FAM171A1: variants seen among roughly 807,000 people sequenced by gnomAD.
FAM171A1 encodes protein FAM171A1.
In FAM171A1, 23 loss-of-function variants were observed where a neutral mutation model predicts 74.9. The observed-to-expected ratio is 0.31, with a 90% CI of 0.22 to 0.44. FAM171A1 has a LOEUF of 0.44. FAM171A1 is among the 20% of genes least tolerant of loss of function. The pLI, the probability that FAM171A1 is intolerant of heterozygous loss-of-function variation, is 1.00. For missense variants in FAM171A1, 1,162 were observed against 1,159.2 expected (o/e 1.00, Z -0.03); for synonymous variants, 527 against 505.7 (o/e 1.04, Z -0.57).
intron 1 of FAM171A1, among the ~76,000 whole-genome samples, chr10:15,317,372 G>A (rs1835434919): frequency 6.6e-6 from 1 of 152,140 alleles, no homozygotes; most frequent in Admixed American, 6.5e-5. Context: ...AAGTCTGGTT[G>A]CGCTCATATT....
In FAM171A1 at chr10:15,268,628, G is replaced by A. The variant is rs535245545; in HGVS notation, c.418+7227C>T. On this transcript the variant is annotated intron_variant, in intron 3 of 7. Transcript: ENST00000378116. ...TGGGGAGGGTCTGGGCTGGAGAGACGGAATCAGGAGTAATTAGAGCATTGG... is the reference window on the plus strand; with the variant it reads ...TGGGGAGGGTCTGGGCTGGAGAGACAGAATCAGGAGTAATTAGAGCATTGG... Among the ~76,000 whole-genome samples, 15 of 152,114 alleles carry A rather than the reference G, an allele frequency of 9.9e-5. No homozygotes were observed. In the South Asian group the frequency reaches 1.2e-3, roughly 13 times the overall value.
At chr10:15,316,706 G>T (rs1458414818) in intron 1 of FAM171A1, among the ~76,000 whole-genome samples, 2 of 152,122 alleles carry the variant, frequency 1.3e-5, no homozygotes, top group African/African-American at 2.4e-5. Context: ...AAATCCAAAC[G>T]TTGGATAATT....
At chr10:15,346,132 G>T (rs1835815155) in intron 1 of FAM171A1, among the ~76,000 whole-genome samples, 1 of 152,182 alleles carries the variant, frequency 6.6e-6, no homozygotes, top group Non-Finnish European at 1.5e-5. Context: ...AGACAGGGTT[G>T]TCTTGTCACC....
intron 1 of FAM171A1, among the ~76,000 whole-genome samples, chr10:15,340,861 C>T (rs1835756983): frequency 3.3e-5 from 5 of 152,076 alleles, no homozygotes; most frequent in Admixed American, 3.3e-4. Flanking sequence ...AAGAATGTCA[C>T]TCAGGAGTTT....
At chr10:15,268,849 C>T (rs1466239465) in intron 3 of FAM171A1, among the ~76,000 whole-genome samples, 1 of 152,180 alleles carries the variant, frequency 6.6e-6, no homozygotes, top group Non-Finnish European at 1.5e-5. Context: ...TGAGACAAGC[C>T]TGGCCAACAT....
intron 1 of FAM171A1, among the ~76,000 whole-genome samples, chr10:15,303,893 A>C (rs1206611198): frequency 6.6e-6 from 1 of 152,206 alleles, no homozygotes; most frequent in Non-Finnish European, 1.5e-5. Flanking sequence ...CGTATGAAAG[A>C]GATTAAGTCA....
chr10:15,213,116 A>C lies in FAM171A1; in HGVS notation c.2472T>G (p.Ser824Arg). 3.1e-6 allele frequency: 5 copies of C among 1,613,572 alleles called. No individual in the cohort carries two copies. The highest frequency in any genetic ancestry group is 3.4e-6 in the Non-Finnish European group (4 of 1,179,806). Residue 824 changes from serine (S) to arginine (R), a missense_variant, in exon 8 of 8, where the codon AGT (serine) becomes AGG (arginine). By Grantham distance (110) the Ser-to-Arg change is moderately radical (BLOSUM62 -1). Transcript: ENST00000378116. This position sits in a 1 kb window ranked among gnomAD's most constrained non-coding sequence, Gnocchi z 6.8. ...CCTGCAGGCTGGGCAGCTGGCCACC[A>C]CTTCTCCGACTCGACCCCTCCAACA... ...RCLLEGSSRRSGGQLPSLQEE... is the reference protein window; with the variant it reads ...RCLLEGSSRRRGGQLPSLQEE...
chr10:15,320,002 A>G (rs1475179356), intron 1 of FAM171A1, among the ~76,000 whole-genome samples: 1 of 152,174 alleles, frequency 6.6e-6, no homozygotes, highest in African/African-American at 2.4e-5. Context: ...GGTTTGTGAC[A>G]TGAGTAAACT....
intron 3 of FAM171A1, among the ~76,000 whole-genome samples, chr10:15,273,545 G>C (rs1314796935): frequency 1.3e-5 from 2 of 152,148 alleles, no homozygotes; most frequent in Non-Finnish European, 2.9e-5. Context: ...CATTTTATGA[G>C]GCCAGCATCA....
chr10:15,322,600 T>C (rs1835499811), intron 1 of FAM171A1, among the ~76,000 whole-genome samples: 1 of 152,166 alleles, frequency 6.6e-6, no homozygotes, highest in Admixed American at 6.5e-5. Flanking sequence ...ACCCATTTAA[T>C]AGTAACTGTT....
rs750916491 is a variant in FAM171A1, at chr10:15,212,012, C to T, written c.*903G>A. 1 of 152,714 alleles carries T rather than the reference C, an allele frequency of 6.5e-6. No individual in the cohort carries two copies. The highest frequency in any genetic ancestry group is 1.5e-5 in the Non-Finnish European group (1 of 68,032). 9.5% of individuals were successfully genotyped at this position (152,714 alleles called of 1,614,324 possible). On this transcript the variant is annotated 3_prime_UTR_variant, in exon 8 of 8. Coordinates refer to ENST00000378116, the MANE Select transcript of FAM171A1 (RefSeq NM_001010924.2). ...AACTAGAGAGCACACTGTGTTGAAACGAGGATGCTGACCCCAAATGGCACT... is the reference window on the plus strand; with the variant it reads ...AACTAGAGAGCACACTGTGTTGAAATGAGGATGCTGACCCCAAATGGCACT...
chr10:15,311,133 C>T (rs78318349), intron 1 of FAM171A1, among the ~76,000 whole-genome samples: 1,860 of 152,320 alleles, frequency 0.012, 38 homozygotes, highest in African/African-American at 0.042. Context: ...GCCCCCTGTT[C>T]CTCAAACAAT....
chr10:15,364,747 C>G (rs74124827), intron 1 of FAM171A1, among the ~76,000 whole-genome samples: 3,798 of 152,274 alleles, frequency 0.025, 158 homozygotes, highest in African/African-American at 0.087. Flanking sequence ...CTTGCCTTTT[C>G]TGGCTTCTAG....
At chr10:15,250,206 G>A (rs940967875) in intron 4 of FAM171A1, among the ~76,000 whole-genome samples, 1 of 152,186 alleles carries the variant, frequency 6.6e-6, no homozygotes, top group Non-Finnish European at 1.5e-5. Flanking sequence ...AGGCAAAGGT[G>A]TGGGAATGGA....
intron 1 of FAM171A1, among the ~76,000 whole-genome samples, chr10:15,289,261 ATTAG>A: frequency 6.6e-6 from 1 of 152,180 alleles, no homozygotes; most frequent in Non-Finnish European, 1.5e-5. Context: ...TAGGCAAGGC[ATTAG>A]TTACTACATG....
chr10:15,299,573 C>T lies in FAM171A1; in HGVS notation c.98-15468G>A, dbSNP rs571022544. ...TTTTGAAAAAGCAGCTTTAAGATGA[C>T]GATGATGATGATGACTTTTAGCAAG... On this transcript the variant is annotated intron_variant, in intron 1 of 7. Transcript: ENST00000378116. Among the ~76,000 whole-genome samples, 19 of 151,714 alleles carry T rather than the reference C, an allele frequency of 1.3e-4. No homozygotes were observed. The East Asian group carries it at 2.9e-3, about 23-fold the overall frequency.
intron 1 of FAM171A1, among the ~76,000 whole-genome samples, chr10:15,284,890 G>C (rs996662960): frequency 6.6e-6 from 1 of 151,444 alleles, no homozygotes; most frequent in African/African-American, 2.4e-5. Flanking sequence ...TTGTTAAAAG[G>C]GAGGACCCAA....
At chr10:15,312,669 GTGTGTTTTTTTTTTTTTT>G (rs1564274234) in intron 1 of FAM171A1, among the ~76,000 whole-genome samples, 2 of 75,700 alleles carry the variant, frequency 2.6e-5, no homozygotes, top group African/African-American at 1.1e-4. Flanking sequence ...GTTCAGCACT[GTGTGTTTTTTTTTTTTTT>G]TTTTTTTTTT....
chr10:15,322,760 C>T (rs1183874219), intron 1 of FAM171A1, among the ~76,000 whole-genome samples: 1 of 152,202 alleles, frequency 6.6e-6, no homozygotes, highest in Non-Finnish European at 1.5e-5. Context: ...GGAGATCTTG[C>T]CCCCAGAATG....
Sources: allele counts gnomAD v4.1 joint callset (sites outside exome capture counted in the v4.1 genomes callset), GRCh38; gene constraint gnomAD v4.1.1; non-coding constraint Gnocchi (gnomAD v3.1); transcripts MANE v1.5; gene names NCBI Gene and HGNC (gene_info 2026-07-23, HGNC 2026-07-21).